The following GPHN variants were observed in gnomAD, a reference collection of about 807,000 sequenced individuals.
GPHN encodes gephyrin.
Under a neutral mutation model 95.5 loss-of-function variants are expected in GPHN, and 17 were observed. The observed-to-expected ratio is 0.18, with a 90% CI of 0.12 to 0.27. GPHN has a LOEUF of 0.27. Ranked by LOEUF, GPHN falls within the 10% of genes least tolerant of loss-of-function variation. The pLI, the probability that GPHN is intolerant of heterozygous loss-of-function variation, is 1.00. For missense variants in GPHN, 660 were observed against 978.1 expected (o/e 0.67, Z 4.34); for synonymous variants, 320 against 322.5 (o/e 0.99, Z 0.08).
intron 1 of GPHN, among the ~76,000 whole-genome samples, chr14:66,670,244 A>G (rs1334067095): frequency 6.6e-6 from 1 of 151,760 alleles, no homozygotes; most frequent in Non-Finnish European, 1.5e-5. Flanking sequence ...TCTCCAGTGA[A>G]CCCCTTTTGG....
At chr14:67,266,264 G>A in the GPHN span, among the ~76,000 whole-genome samples, 1 of 152,102 alleles carries the variant, frequency 6.6e-6, no homozygotes, top group Non-Finnish European at 1.5e-5. Flanking sequence ...CTTTATTTTT[G>A]TTTAGGTTGT....
intron 3 of GPHN, among the ~76,000 whole-genome samples, chr14:66,810,156 A>AGG: frequency 6.6e-6 from 1 of 151,930 alleles, no homozygotes; most frequent in East Asian, 1.9e-4. Context: ...TACTAAAATG[A>AGG]ATTTCCTCCA....
chr14:67,404,257 A>G, the GPHN span, among the ~76,000 whole-genome samples: 2 of 152,224 alleles, frequency 1.3e-5, no homozygotes. Flanking sequence ...CAGACTCCAC[A>G]GTCTAAAGCA....
At chr14:66,755,409 C>T (rs1380324739) in intron 2 of GPHN, among the ~76,000 whole-genome samples, 2 of 152,024 alleles carry the variant, frequency 1.3e-5, no homozygotes, top group Non-Finnish European at 2.9e-5. Context: ...GTGCTTTAAG[C>T]CTTATAAAAA....
the GPHN span, among the ~76,000 whole-genome samples, chr14:67,420,566 G>A: frequency 3.3e-5 from 5 of 152,314 alleles, no homozygotes; most frequent in South Asian, 1.0e-3. Flanking sequence ...CACTTCTAAA[G>A]GCCCTAAATC....
chr14:66,976,314 G>A (rs2070217143), intron 9 of GPHN, among the ~76,000 whole-genome samples: 1 of 152,150 alleles, frequency 6.6e-6, no homozygotes, highest in South Asian at 2.1e-4. Context: ...CTAGCATTCA[G>A]TATAATTAAA....
intron 1 of GPHN, among the ~76,000 whole-genome samples, chr14:66,565,904 T>A (rs776136511): frequency 9.2e-5 from 14 of 151,978 alleles, no homozygotes; most frequent in Non-Finnish European, 1.3e-4. Context: ...ATTTGAAAAA[T>A]TATTTTAAGA....
chr14:67,568,411 C>T, the GPHN span, among the ~76,000 whole-genome samples: 1 of 151,950 alleles, frequency 6.6e-6, no homozygotes, highest in Admixed American at 6.6e-5. Context: ...CACATGGACA[C>T]AGGGAGGGGA....
the GPHN span, among the ~76,000 whole-genome samples, chr14:67,337,170 A>G: frequency 6.6e-6 from 1 of 152,378 alleles, no homozygotes; most frequent in East Asian, 1.9e-4. Flanking sequence ...AAGACCTGCT[A>G]TCTTATAGGA....
chr14:66,749,573 T>A (rs1171015975), intron 2 of GPHN, among the ~76,000 whole-genome samples: 1 of 151,990 alleles, frequency 6.6e-6, no homozygotes, highest in East Asian at 1.9e-4. Context: ...GTTTTATTAA[T>A]TTGCATTTTA....
the GPHN span, among the ~76,000 whole-genome samples, chr14:67,386,703 A>G: frequency 3.6e-4 from 55 of 152,258 alleles, 1 homozygote; most frequent in East Asian, 0.01. Flanking sequence ...CCCATTTTTC[A>G]TAGAAAAGCT....
the GPHN span, among the ~76,000 whole-genome samples, chr14:67,290,344 A>G: frequency 2.0e-5 from 3 of 152,204 alleles, no homozygotes; most frequent in Admixed American, 6.5e-5. Flanking sequence ...GTTCTGATAG[A>G]CCAGTGAAAT....
intron 4 of GPHN, among the ~76,000 whole-genome samples, chr14:66,870,567 AT>A: frequency 6.6e-6 from 1 of 152,328 alleles, no homozygotes; most frequent in South Asian, 2.1e-4. Flanking sequence ...CCATCTATAT[AT>A]TTTTATACCC....
rs573627308 is a variant in GPHN at position 67,092,192 on chromosome 14, A to T, written c.1237+3117A>T. On this transcript the variant is annotated intron_variant, in intron 12 of 22. Transcript: ENST00000478722. ...AGGAAGATAAACTCTATGAATCCTA[A>T]AAGTGATTTTTACTGTATTTAGTAA... Among the ~76,000 whole-genome samples the T allele has an allele frequency of 4.2e-4, 64 of 152,180 alleles. 1 individual carries two copies. The South Asian group carries it at 0.013, about 32-fold the overall frequency.
At chr14:66,798,850 A>C (rs2060248867) in intron 3 of GPHN, among the ~76,000 whole-genome samples, 1 of 150,982 alleles carries the variant, frequency 6.6e-6, no homozygotes, top group African/African-American at 2.4e-5. Context: ...CTTTTCTGCT[A>C]CTACTCTTGG....
the GPHN span, among the ~76,000 whole-genome samples, chr14:67,376,984 T>G: frequency 6.6e-6 from 1 of 152,206 alleles, no homozygotes; most frequent in African/African-American, 2.4e-5. Context: ...GGATTTGCTC[T>G]GCCACTAAAA....
At chr14:67,567,218 T>C in the GPHN span, among the ~76,000 whole-genome samples, 1 of 152,092 alleles carries the variant, frequency 6.6e-6, no homozygotes, top group East Asian at 1.9e-4. Flanking sequence ...GCAGGACCAA[T>C]GGGGCAGTAA....
intron 1 of GPHN, among the ~76,000 whole-genome samples, chr14:66,599,391 C>CTTTTTTTTTTT (rs1566679513): frequency 5.4e-5 from 4 of 74,038 alleles, no homozygotes; most frequent in African/African-American, 3.2e-4. Flanking sequence ...TTTTTTTTTG[C>CTTTTTTTTTTT]ATTTTTTTTT....
intron 3 of GPHN, among the ~76,000 whole-genome samples, chr14:66,792,430 T>C (rs2060003570): frequency 6.6e-6 from 1 of 151,710 alleles, no homozygotes; most frequent in African/African-American, 2.4e-5. Flanking sequence ...GGAGGATCAC[T>C]TAAGCCCAGA....
Sources: allele counts gnomAD v4.1 joint callset (sites outside exome capture counted in the v4.1 genomes callset), GRCh38; gene constraint gnomAD v4.1.1; transcripts MANE v1.5; gene names NCBI Gene and HGNC (gene_info 2026-07-23, HGNC 2026-07-21).